The following ZNF177 variants were observed in gnomAD, a reference collection of about 807,000 sequenced individuals.
ZNF177 encodes zinc finger protein 177.
In ZNF177, 17 loss-of-function variants were observed where a neutral mutation model predicts 19.4. That is an observed-to-expected ratio of 0.87 (90% CI 0.60 to 1.31). The LOEUF (loss-of-function observed/expected upper bound fraction) is 1.31, where lower values mean the gene tolerates loss of function less well. ZNF177 is among the 40% of genes most tolerant of loss of function. The pLI is 0.00. For missense variants in ZNF177, 633 were observed against 561.8 expected (o/e 1.13, Z -1.28); for synonymous variants, 220 against 188.7 (o/e 1.17, Z -1.36).
At chr19:9,378,059 T>TA (rs2122547098) in intron 1 of ZNF177, among the ~76,000 whole-genome samples, 200 bp from the exon 4 acceptor site, 1 of 152,270 alleles carries the variant, frequency 6.6e-6, no homozygotes, top group East Asian at 1.9e-4. Flanking sequence ...TGGTTCAGGC[T>TA]AGAAAAAAGT....
At chr19:9,381,691 T>C in exon 6 of ZNF177, 1 of 1,614,210 alleles carries the variant, frequency 6.2e-7, no homozygotes, top group Non-Finnish European at 8.5e-7. Context: ...GCCTTATAAA[T>C]GTATTCAGTG....
At chr19:9,380,754 T>C (rs775847176) in exon 6 of ZNF177, 88 of 1,535,952 alleles carry the variant, frequency 5.7e-5, no homozygotes, top group Middle Eastern at 1.7e-4. Context: ...GTACAAGATA[T>C]TGCAAGGGAG....
exon 4 of ZNF177, chr19:9,379,547 A>C (rs2068159735): frequency 6.2e-7 from 1 of 1,613,790 alleles, no homozygotes; most frequent in Non-Finnish European, 8.5e-7. Flanking sequence ...CTGCAGACAC[A>C]GTCTGATCTC....
intron 2 of ZNF177, among the ~76,000 whole-genome samples, chr19:9,366,270 C>A (rs1021667878): frequency 6.6e-6 from 1 of 152,072 alleles, no homozygotes; most frequent in Non-Finnish European, 1.5e-5. Flanking sequence ...CGTGAGCCAC[C>A]GTGCCTAGCC....
intron 2 of ZNF177, chr19:9,378,635 T>C (rs2068144926): frequency 1.7e-6 from 1 of 578,072 alleles, no homozygotes; most frequent in Non-Finnish European, 2.9e-6. Flanking sequence ...CAAGTATTTC[T>C]TGCATTCCTA....
chr19:9,378,911 A>G (rs765258595), intron 2 of ZNF177, 51 bp from the exon 5 acceptor site: 4 of 1,544,766 alleles, frequency 2.6e-6, no homozygotes, highest in East Asian at 2.3e-5. Context: ...CTCCTGGTAC[A>G]TTGTCAAAAA....
At chr19:9,375,463 G>C (rs1599390385), upstream of ZNF177, among the ~76,000 whole-genome samples, 1 of 151,948 alleles carries the variant, frequency 6.6e-6, no homozygotes, top group East Asian at 1.9e-4. Flanking sequence ...CCAAGTCCTG[G>C]GCTTTTCTTT....
intron 2 of ZNF177, among the ~76,000 whole-genome samples, chr19:9,370,318 G>C (rs998577599): frequency 6.6e-6 from 1 of 151,810 alleles, no homozygotes; most frequent in African/African-American, 2.4e-5. Context: ...TCCTCCCATA[G>C]ATGCTATTTT....
rs548060710 is a variant in ZNF177 at position 9,379,775 on chromosome 19, G to A, written c.253+156G>A. ...TCGTTCATACGTTCATTTGGTCTCCGAGAAAGAAGTTTTAATTCCTCTTTA... is the reference window on the plus strand; with the variant it reads ...TCGTTCATACGTTCATTTGGTCTCCAAGAAAGAAGTTTTAATTCCTCTTTA... On this transcript the variant is annotated intron_variant, in intron 4 of 5. Transcript: ENST00000589262. 719 of 965,862 alleles carry A rather than the reference G, an allele frequency of 7.4e-4. 3 individuals carry two copies. The highest frequency in any genetic ancestry group is 5.0e-4 in the Non-Finnish European group (336 of 676,052). 59.8% of individuals were successfully genotyped at this position (965,862 alleles called of 1,614,324 possible).
exon 6 of ZNF177, chr19:9,381,221 C>A: frequency 6.2e-7 from 1 of 1,614,166 alleles, no homozygotes; most frequent in Non-Finnish European, 8.5e-7. Flanking sequence ...ATTTTTCAGT[C>A]TTCCCTTAAG....
chr19:9,378,190 G>A (rs548765478), intron 1 of ZNF177, 69 bp from the exon 4 acceptor site: 22 of 1,431,428 alleles, frequency 1.5e-5, no homozygotes, highest in Non-Finnish European at 2.0e-5. Context: ...GTAAGAAGAA[G>A]CTTCCCAGCC....
At chr19:9,379,974 AC>A in intron 4 of ZNF177, 82 bp from the exon 7 acceptor site, 1 of 1,479,288 alleles carries the variant, frequency 6.8e-7, no homozygotes, top group Non-Finnish European at 9.1e-7. Context: ...TTATTTGAAA[AC>A]AAATCCATAG....
rs140200535 is a variant in ZNF177, at chr19:9,381,658, G to C, written c.1327G>C (p.Val443Leu). 7.0e-5 allele frequency: 113 copies of C among 1,611,540 alleles called. No homozygotes were observed. The East Asian group carries it at 2.5e-3, about 35-fold the overall frequency. Residue 443 changes from valine (V) to leucine (L), a missense_variant, in exon 6 of 6, where the codon GTG becomes CTG. Physicochemically the swap from Val to Leu is conservative, Grantham distance 32. Transcript: ENST00000589262. ...GAATTCCTCTTGCCTGAGGGTACAC[G>C]TGAGAACTCACACTGGAGAGAAGCC...
At chr19:9,372,145 T>C (rs1472949654), upstream of ZNF177, among the ~76,000 whole-genome samples, 1 of 152,160 alleles carries the variant, frequency 6.6e-6, no homozygotes, top group African/African-American at 2.4e-5. Flanking sequence ...TTAAAGTTGA[T>C]TTTCCAGAGA....
At chr19:9,382,392 A>G (rs556849997), downstream of ZNF177, 1,331 of 398,902 alleles carry the variant, frequency 3.3e-3, 1 homozygote, top group Non-Finnish European at 4.7e-3. Flanking sequence ...TAGAAAATAT[A>G]TACACCAAGA....
chr19:9,382,421 A>G (rs1433083402), downstream of ZNF177: 1 of 398,610 alleles, frequency 2.5e-6, no homozygotes, highest in African/African-American at 2.1e-5. Flanking sequence ...GAGAAAGGAT[A>G]CTAAATGAAA....
At position 9,380,633 on chromosome 19, in the gene ZNF177, A is replaced by T. The variant is rs904892035; in HGVS notation, c.337-35A>T. On this transcript the variant is annotated intron_variant, in intron 5 of 5. Coordinates refer to ENST00000589262, the Ensembl canonical transcript of ZNF177. ...TCCTGTGAATAAGGTGAAAGTGAAAAAGCCTCTAGTCACCACTTACTCCCT... is the reference window on the plus strand; with the variant it reads ...TCCTGTGAATAAGGTGAAAGTGAAATAGCCTCTAGTCACCACTTACTCCCT... 25 of 1,535,854 alleles carry T rather than the reference A, an allele frequency of 1.6e-5. 1 individual carries two copies. In the African/African-American group the frequency reaches 2.3e-4, roughly 14 times the overall value.
At chr19:9,373,340 C>G (rs1012529638), upstream of ZNF177, among the ~76,000 whole-genome samples, 1 of 152,132 alleles carries the variant, frequency 6.6e-6, no homozygotes, top group African/African-American at 2.4e-5. Context: ...ATTTTCTTTA[C>G]GCATTCAGCA....
At chr19:9,368,975 T>A (rs568241962) in intron 2 of ZNF177, among the ~76,000 whole-genome samples, 1 of 152,226 alleles carries the variant, frequency 6.6e-6, no homozygotes, top group East Asian at 1.9e-4. Context: ...AAGTTTTAAT[T>A]TTTGTGGGCA....
Sources: allele counts gnomAD v4.1 joint callset (sites outside exome capture counted in the v4.1 genomes callset), GRCh38; gene constraint gnomAD v4.1.1; transcripts MANE v1.5; gene names NCBI Gene and HGNC (gene_info 2026-07-23, HGNC 2026-07-21).